RPS6KC1: variants seen among roughly 807,000 people sequenced by gnomAD.
RPS6KC1 encodes ribosomal protein S6 kinase C1, also known as inactive ribosomal protein S6 kinase delta-1.
RPS6KC1 carries 54 observed loss-of-function variants against 103.8 expected under a neutral mutation model. That is an observed-to-expected ratio of 0.52 (90% confidence interval 0.42 to 0.65). The LOEUF (loss-of-function observed/expected upper bound fraction) is 0.65, where lower values mean the gene tolerates loss of function less well. Ranked by LOEUF, RPS6KC1 falls within the 30% of genes least tolerant of loss-of-function variation. RPS6KC1 has a pLI of 0.00. For missense variants in RPS6KC1, 1,151 were observed against 1,253.8 expected, an observed-to-expected ratio of 0.92 and a Z score of 1.24; for synonymous variants, 439 against 438.7, an observed-to-expected ratio of 1.00 and a Z score of -0.01.
chr1:213,616,436 G>A, the RPS6KC1 span, among the ~76,000 whole-genome samples: 1 of 152,204 alleles, frequency 6.6e-6, no homozygotes, highest in Non-Finnish European at 1.5e-5. Flanking sequence ...ATGGCAGGGA[G>A]TAAGGAGGTG....
At chr1:213,257,250 G>A (rs1180809375) in intron 12 of RPS6KC1, among the ~76,000 whole-genome samples, 5 of 152,170 alleles carry the variant, frequency 3.3e-5, no homozygotes, top group Admixed American at 6.5e-5. Flanking sequence ...TCTAGGCTAC[G>A]TTGTTGGTGG....
chr1:213,554,298 T>A, the RPS6KC1 span, among the ~76,000 whole-genome samples: 19 of 152,172 alleles, frequency 1.2e-4, no homozygotes, highest in Non-Finnish European at 4.4e-5. Flanking sequence ...TACCCATGCT[T>A]GTTATTGTCT....
the RPS6KC1 span, among the ~76,000 whole-genome samples, chr1:213,491,300 C>T: frequency 6.6e-6 from 1 of 152,142 alleles, no homozygotes; most frequent in African/African-American, 2.4e-5. Flanking sequence ...GTAATCCCAG[C>T]ATTTTGGGAG....
chr1:213,259,173 A>G (rs773247764), intron 12 of RPS6KC1, among the ~76,000 whole-genome samples: 5 of 152,326 alleles, frequency 3.3e-5, no homozygotes, highest in African/African-American at 7.2e-5. Context: ...CTCCAGAGTA[A>G]CTTTTCCAAC....
chr1:213,445,735 A>C, the RPS6KC1 span, among the ~76,000 whole-genome samples: 9 of 152,182 alleles, frequency 5.9e-5, no homozygotes, highest in Non-Finnish European at 1.2e-4. Flanking sequence ...ATTGTGGCCC[A>C]CACTTTCGCC....
the RPS6KC1 span, among the ~76,000 whole-genome samples, chr1:213,450,265 G>A: frequency 6.6e-6 from 1 of 151,396 alleles, no homozygotes. Context: ...AGTGATCCCT[G>A]GCTTGCGATT....
At chr1:213,432,753 T>C in the RPS6KC1 span, among the ~76,000 whole-genome samples, 4 of 151,956 alleles carry the variant, frequency 2.6e-5, no homozygotes, top group Non-Finnish European at 5.9e-5. Flanking sequence ...ATTTCCCTTT[T>C]TTTTTTTTGG....
At chr1:213,728,965 T>TTTTA in the RPS6KC1 span, among the ~76,000 whole-genome samples, 1 of 141,122 alleles carries the variant, frequency 7.1e-6, no homozygotes, top group African/African-American at 2.7e-5. Flanking sequence ...TTTTTTTTTT[T>TTTTA]ACCAGTGGAC....
chr1:213,834,707 CGT>C, the RPS6KC1 span, among the ~76,000 whole-genome samples: 15 of 147,222 alleles, frequency 1.0e-4, no homozygotes, highest in South Asian at 1.8e-3. Context: ...CACACACACA[CGT>C]ACACACACAC....
At chr1:213,608,774 T>G in the RPS6KC1 span, among the ~76,000 whole-genome samples, 1 of 152,246 alleles carries the variant, frequency 6.6e-6, no homozygotes, top group Non-Finnish European at 1.5e-5. Flanking sequence ...TACTATATTA[T>G]TTTGTAACTT....
the RPS6KC1 span, among the ~76,000 whole-genome samples, chr1:213,495,256 C>CATTA: frequency 6.6e-6 from 1 of 152,142 alleles, no homozygotes; most frequent in Non-Finnish European, 1.5e-5. Flanking sequence ...TCCTAAGACA[C>CATTA]ATTAATTGAT....
the RPS6KC1 span, among the ~76,000 whole-genome samples, chr1:213,553,617 A>G: frequency 6.6e-6 from 1 of 152,194 alleles, no homozygotes; most frequent in East Asian, 1.9e-4. Flanking sequence ...TACTTTCCAC[A>G]GTGGCTGAGC....
chr1:213,076,487 A>C (rs989946447), intron 2 of RPS6KC1, among the ~76,000 whole-genome samples: 7 of 152,194 alleles, frequency 4.6e-5, no homozygotes, highest in African/African-American at 1.4e-4. Context: ...GAGATGATTA[A>C]GTTTTTCAGA....
intron 6 of RPS6KC1, among the ~76,000 whole-genome samples, chr1:213,166,816 G>A (rs2091007419): frequency 6.6e-6 from 1 of 152,224 alleles, no homozygotes; most frequent in Non-Finnish European, 1.5e-5. Flanking sequence ...GACTACCTCA[G>A]GGAAAGAAGG....
the RPS6KC1 span, among the ~76,000 whole-genome samples, chr1:213,387,975 C>G: frequency 6.6e-6 from 1 of 152,242 alleles, no homozygotes. Context: ...GGTTCCTAAC[C>G]TCAGTGTGAG....
the RPS6KC1 span, among the ~76,000 whole-genome samples, chr1:213,487,364 C>T: frequency 6.6e-6 from 1 of 152,116 alleles, no homozygotes; most frequent in East Asian, 1.9e-4. Flanking sequence ...CTCCTGCACT[C>T]CAGCCTGGGT....
the RPS6KC1 span, among the ~76,000 whole-genome samples, chr1:213,742,641 C>T: frequency 6.6e-6 from 1 of 152,334 alleles, no homozygotes; most frequent in Admixed American, 6.5e-5. Context: ...TATGTAGGCT[C>T]AGGCTGTGAA....
chr1:213,514,945 A>C, the RPS6KC1 span, among the ~76,000 whole-genome samples: 5 of 152,164 alleles, frequency 3.3e-5, no homozygotes, highest in South Asian at 1.0e-3. Flanking sequence ...ATGGTATCTC[A>C]CTGTGGTTTT....
At chr1:213,573,130 A>G in the RPS6KC1 span, among the ~76,000 whole-genome samples, 3 of 152,162 alleles carry the variant, frequency 2.0e-5, no homozygotes, top group Non-Finnish European at 2.9e-5. Context: ...TGCCTGCCCA[A>G]TCTGGCCTCC....
Sources: gnomAD v4.1 joint callset for allele counts (sites outside exome capture counted in the v4.1 genomes callset) on GRCh38, gnomAD v4.1.1 for gene constraint, MANE v1.5 for transcripts, NCBI Gene and HGNC (gene_info 2026-07-23, HGNC 2026-07-21) for gene names.